The following KAZN variants were observed in gnomAD, a reference collection of about 807,000 sequenced individuals.
The protein encoded by KAZN is kazrin, periplakin interacting protein.
Under a neutral mutation model 87.4 loss-of-function variants are expected in KAZN, and 40 were observed. The ratio of observed to expected loss-of-function variants is 0.46; its 90% CI spans 0.36 to 0.60. The LOEUF is 0.60. KAZN is among the 20% of genes least tolerant of loss of function. KAZN has a pLI of 0.00. For synonymous variants in KAZN, 466 were observed against 458.3 expected (o/e 1.02, Z -0.22); for missense variants, 898 against 1,073.9 (o/e 0.84, Z 2.29).
intron 1 of KAZN, among the ~76,000 whole-genome samples, chr1:13,974,443 G>T (rs529459195): frequency 8.1e-4 from 123 of 152,336 alleles, no homozygotes; most frequent in Non-Finnish European, 1.5e-3. Context: ...ATTTGGACAA[G>T]GGTCTTTGCA....
chr1:14,375,192 ACTGT>A (rs1453330324), intron 2 of KAZN, among the ~76,000 whole-genome samples: 2 of 152,194 alleles, frequency 1.3e-5, no homozygotes, highest in African/African-American at 4.8e-5. Flanking sequence ...AATTCAGCAC[ACTGT>A]CTTTTATTAG....
At chr1:14,598,553 C>T (rs1676664915), upstream of KAZN, among the ~76,000 whole-genome samples, 1 of 152,062 alleles carries the variant, frequency 6.6e-6, no homozygotes, top group South Asian at 2.1e-4. The surrounding 1 kb of genome is among the most constrained non-coding windows in gnomAD (Gnocchi z 4.2). Flanking sequence ...CTCCGCCCCC[C>T]CGGGGGGTGT....
At chr1:14,359,750 G>A (rs1031472402) in intron 2 of KAZN, among the ~76,000 whole-genome samples, 2 of 152,206 alleles carry the variant, frequency 1.3e-5, no homozygotes, top group Non-Finnish European at 2.9e-5. Flanking sequence ...CTTTAAGAAT[G>A]TTGAATATTG....
chr1:13,932,558 C>G (rs12034170), intron 1 of KAZN, among the ~76,000 whole-genome samples: 1 of 152,186 alleles, frequency 6.6e-6, no homozygotes, highest in Non-Finnish European at 1.5e-5. Flanking sequence ...CCGCGCCCGG[C>G]CTTATTAAAC....
In KAZN at chr1:14,776,655, G is replaced by A. The variant is rs114519950; in HGVS notation, c.226+177432G>A. ...TACATGGTAACTTTTTGGGCCGGGC[G>A]CAGTGACACACCTGTAATCCCAGCA... On this transcript the variant is annotated intron_variant, in intron 1 of 14. Transcript: ENST00000376030. 6.6e-3 allele frequency among the ~76,000 whole-genome samples: 1,001 copies of A among 152,254 alleles called. 17 individuals carry two copies. Among genetic ancestry groups the A allele is most frequent in the African/African-American group, 0.023 (949 of 41,552 alleles).
intron 3 of KAZN, among the ~76,000 whole-genome samples, chr1:15,042,415 G>A (rs1164425918): frequency 6.6e-6 from 1 of 152,176 alleles, no homozygotes. Context: ...AGGTTAGAGA[G>A]GGCCTGGGGC....
chr1:14,227,254 G>A (rs1191334401), intron 2 of KAZN, among the ~76,000 whole-genome samples: 3 of 152,070 alleles, frequency 2.0e-5, no homozygotes, highest in African/African-American at 2.4e-5. Context: ...AGACCTCAGT[G>A]GCCTCAAACC....
chr1:14,480,049 G>T lies in KAZN; in HGVS notation c.250-118934G>T, dbSNP rs751946166. 1.7e-4 allele frequency among the ~76,000 whole-genome samples: 26 copies of T among 152,320 alleles called. No homozygotes were observed. In the East Asian group the frequency reaches 2.1e-3, roughly 12 times the overall value. The stretch of plus-strand genomic sequence containing the variant: ...GATAAGGGGATGAGATAAAAATCCT[G>T]ACATGACTTGGGGCATCCATGTGAC... On this transcript the variant is annotated intron_variant, in intron 2 of 16. Transcript: ENST00000636203.
Position 14,845,389 on chromosome 1 carries a change from A to ATGGT in KAZN, c.227-115291_227-115288dup, listed in dbSNP as rs951089911. The stretch of plus-strand genomic sequence containing the variant: ...GATGGATGGATGGATGGATGGATGG[A>ATGGT]TGGTTGGATGGATAGATGGATGGGT... On this transcript the variant is annotated intron_variant, in intron 1 of 14. Coordinates refer to ENST00000376030, the MANE Select transcript of KAZN (RefSeq NM_201628.3). Among the ~76,000 whole-genome samples, 3 of 147,286 alleles carry ATGGT rather than the reference A, an allele frequency of 2.0e-5. No individual in the cohort carries two copies. In the East Asian group the frequency reaches 6.2e-4, roughly 30 times the overall value.
intron 1 of KAZN, among the ~76,000 whole-genome samples, chr1:14,149,442 C>G (rs1029001279): frequency 3.9e-5 from 6 of 152,070 alleles, no homozygotes; most frequent in African/African-American, 1.4e-4. Context: ...TTTAGGTGCA[C>G]AGTTCACTCT....
At chr1:15,050,564 C>T (rs1056092673) in intron 4 of KAZN, among the ~76,000 whole-genome samples, 1 of 152,176 alleles carries the variant, frequency 6.6e-6, no homozygotes, top group South Asian at 2.1e-4. Flanking sequence ...TTAATGGCCA[C>T]GCTCTGAGTC....
At chr1:14,460,406 A>G (rs995162921) in intron 2 of KAZN, among the ~76,000 whole-genome samples, 1 of 152,214 alleles carries the variant, frequency 6.6e-6, no homozygotes, top group Non-Finnish European at 1.5e-5. Context: ...AGCTTGAGCA[A>G]GGCGGTGAGG....
chr1:14,466,150 G>A (rs1668113694), intron 2 of KAZN, among the ~76,000 whole-genome samples: 1 of 152,130 alleles, frequency 6.6e-6, no homozygotes, highest in South Asian at 2.1e-4. Flanking sequence ...ATCCCTGTCG[G>A]TAAGCAACAC....
intron 1 of KAZN, among the ~76,000 whole-genome samples, chr1:14,749,143 C>T (rs1422116271): frequency 5.3e-5 from 8 of 152,184 alleles, no homozygotes; most frequent in Non-Finnish European, 1.0e-4. Flanking sequence ...TTGCTTCCCG[C>T]AGCAGACATT....
At chr1:13,971,907 C>T (rs1429947181) in intron 1 of KAZN, among the ~76,000 whole-genome samples, 2 of 152,182 alleles carry the variant, frequency 1.3e-5, no homozygotes, top group Admixed American at 6.5e-5. Flanking sequence ...TCCCCCTTTG[C>T]CTTCCACCAT....
rs143416545 is a variant in KAZN, at chr1:14,989,527, C to T, written c.418+28652C>T. Among the ~76,000 whole-genome samples the T allele has an allele frequency of 3.7e-3, 556 of 152,266 alleles. 2 individuals carry two copies. Among genetic ancestry groups the T allele is most frequent in the Non-Finnish European group, 5.8e-3 (392 of 68,022 alleles). Reference sequence around the variant, plus strand: ...TCACTTGTCTTCATCGTCATTGGACCTTCTGTCGTCCTTGATGGAGGCAGT... The same window carrying T: ...TCACTTGTCTTCATCGTCATTGGACTTTCTGTCGTCCTTGATGGAGGCAGT... On this transcript the variant is annotated intron_variant, in intron 2 of 14. Transcript: ENST00000376030.
chr1:14,159,351 T>G (rs1236136357), intron 1 of KAZN, among the ~76,000 whole-genome samples: 1 of 152,166 alleles, frequency 6.6e-6, no homozygotes, highest in Non-Finnish European at 1.5e-5. Context: ...TCTCTCCCCT[T>G]TCCAAGGGCA....
rs1377520991 is a variant in KAZN at position 15,077,660 on chromosome 1, G to A, written c.1222+11907G>A. Among the ~76,000 whole-genome samples, 7 of 152,062 alleles carry A rather than the reference G, an allele frequency of 4.6e-5. No homozygotes were observed. Among genetic ancestry groups the A allele is most frequent in the Admixed American group, 3.9e-4 (6 of 15,260 alleles). ...TCTCTGGGACTCAGAGATGGGGGTT[G>A]GGGGTTTCACCTTCAGGTGAAGATG... On this transcript the variant is annotated intron_variant, in intron 8 of 14. Coordinates refer to ENST00000376030, the MANE Select transcript of KAZN (RefSeq NM_201628.3). The surrounding 1 kb of genome is among the most constrained non-coding windows in gnomAD (Gnocchi z 4.8).
intron 2 of KAZN, among the ~76,000 whole-genome samples, chr1:14,374,759 T>C (rs529604662): frequency 6.6e-6 from 1 of 152,174 alleles, no homozygotes; most frequent in African/African-American, 2.4e-5. Context: ...TTTAAGCCAA[T>C]TGACATATAC....
Sources: allele counts gnomAD v4.1 joint callset (sites outside exome capture counted in the v4.1 genomes callset), GRCh38; gene constraint gnomAD v4.1.1; non-coding constraint Gnocchi (gnomAD v3.1); transcripts MANE v1.5; gene names NCBI Gene and HGNC (gene_info 2026-07-23, HGNC 2026-07-21).